Variants in BLTP1 observed in about 807,000 individuals in gnomAD.
BLTP1 encodes fragile site-associated protein.
the BLTP1 span, chr4:122,262,700 G>C: frequency 6.6e-7 from 1 of 1,507,888 alleles, no homozygotes; most frequent in Non-Finnish European, 8.9e-7. Flanking sequence ...AGTAATAGTG[G>C]TTGTAGTTAT....
At chr4:122,350,459 C>CACATGGTTGTAGCT in the BLTP1 span, 2 of 914,390 alleles carry the variant, frequency 2.2e-6, no homozygotes, top group Non-Finnish European at 2.6e-6. Context: ...ATTTATTAAG[C>CACATGGTTGTAGCT]TACAACCATG....
chr4:122,152,334 G>T, the BLTP1 span: 1 of 985,718 alleles, frequency 1.0e-6, no homozygotes, highest in Non-Finnish European at 1.2e-6. Context: ...CGCAGGCGCA[G>T]TGCCGCCCGG....
chr4:122,199,237 A>G, the BLTP1 span: 2 of 1,380,730 alleles, frequency 1.4e-6, no homozygotes, highest in East Asian at 2.5e-5. Context: ...GTGTGTTTAA[A>G]TAGTGACTAC....
chr4:122,261,520 G>A, the BLTP1 span: 14 of 982,510 alleles, frequency 1.4e-5, no homozygotes, highest in African/African-American at 1.1e-4. Flanking sequence ...GATAGAAATC[G>A]AAAAATTCTG....
At chr4:122,260,725 C>G in the BLTP1 span, among the ~76,000 whole-genome samples, 1 of 151,846 alleles carries the variant, frequency 6.6e-6, no homozygotes, top group Admixed American at 6.6e-5. Flanking sequence ...TTGAGGAATT[C>G]ATTCTAGAGA....
chr4:122,171,949 T>G, the BLTP1 span: 1 of 984,942 alleles, frequency 1.0e-6, no homozygotes, highest in African/African-American at 1.7e-5. Context: ...AAATGCCTGT[T>G]GCCATTCTGA....
the BLTP1 span, chr4:122,271,011 T>C: frequency 2.6e-6 from 4 of 1,562,144 alleles, no homozygotes; most frequent in Non-Finnish European, 3.5e-6. Flanking sequence ...TTATTTCACG[T>C]TTTTAGGCAA....
At chr4:122,185,861 G>T in the BLTP1 span, 5 of 219,520 alleles carry the variant, frequency 2.3e-5, no homozygotes, top group Non-Finnish European at 3.8e-5. Context: ...GAAACATCAA[G>T]TTTTTTCTTT....
At chr4:122,187,621 T>C in the BLTP1 span, 1 of 1,129,000 alleles carries the variant, frequency 8.9e-7, no homozygotes, top group Non-Finnish European at 1.2e-6. Flanking sequence ...TGTGGAGTTT[T>C]TTTTAGTTCC....
At chr4:122,168,405 T>C in the BLTP1 span, among the ~76,000 whole-genome samples, 1 of 152,204 alleles carries the variant, frequency 6.6e-6, no homozygotes, top group African/African-American at 2.4e-5. Flanking sequence ...CTCATGAAAC[T>C]TCCAGAGTCT....
At chr4:122,331,330 A>G in the BLTP1 span, 3 of 1,609,116 alleles carry the variant, frequency 1.9e-6, no homozygotes, top group Non-Finnish European at 1.7e-6. Flanking sequence ...CTGTAGACAT[A>G]CGTCTCGTAA....
chr4:122,239,846 G>A, the BLTP1 span: 1 of 1,614,128 alleles, frequency 6.2e-7, no homozygotes, highest in Non-Finnish European at 8.5e-7. Context: ...GCATGTCAAT[G>A]GCTGATAGTG....
chr4:122,207,513 T>C, the BLTP1 span: 2 of 1,467,048 alleles, frequency 1.4e-6, no homozygotes, highest in African/African-American at 1.5e-5. Context: ...TACTTTTTCT[T>C]CTTTTTTTTT....
chr4:122,176,688 T>C, the BLTP1 span, among the ~76,000 whole-genome samples: 3 of 152,176 alleles, frequency 2.0e-5, no homozygotes, highest in Non-Finnish European at 2.9e-5. Flanking sequence ...TTTTCTATTA[T>C]GACTTCTTAG....
the BLTP1 span, chr4:122,200,455 C>G: frequency 1.7e-6 from 1 of 577,318 alleles, no homozygotes; most frequent in Non-Finnish European, 2.2e-6. Context: ...GCGCGCATGC[C>G]TGTAATCCCA....
chr4:122,194,678 T>C, the BLTP1 span: 1 of 903,508 alleles, frequency 1.1e-6, no homozygotes, highest in Non-Finnish European at 1.3e-6. Context: ...TTGCATTTTT[T>C]AGCACTTAAA....
At chr4:122,179,284 A>C in the BLTP1 span, among the ~76,000 whole-genome samples, 1 of 152,098 alleles carries the variant, frequency 6.6e-6, no homozygotes, top group African/African-American at 2.4e-5. Flanking sequence ...TAAATAAATA[A>C]ATAAATAAAT....
the BLTP1 span, chr4:122,244,719 G>C: frequency 3.3e-6 from 2 of 597,244 alleles, no homozygotes; most frequent in African/African-American, 2.0e-5. Context: ...ATACTATTAA[G>C]ATTCTTATGA....
the BLTP1 span, among the ~76,000 whole-genome samples, chr4:122,290,528 C>T: frequency 5.3e-5 from 8 of 151,946 alleles, no homozygotes; most frequent in African/African-American, 1.9e-4. Context: ...TGGCTCACGC[C>T]TGTAATCCCA....
Sources: allele counts gnomAD v4.1 joint callset (sites outside exome capture counted in the v4.1 genomes callset), GRCh38; gene constraint gnomAD v4.1.1; transcripts MANE v1.5; gene names NCBI Gene and HGNC (gene_info 2026-07-23, HGNC 2026-07-21).